Variants in NKAIN3 observed in about 807,000 individuals in gnomAD.
NKAIN3 encodes the protein sodium/potassium-transporting ATPase subunit beta-1-interacting protein 3.
In NKAIN3, 25 loss-of-function variants were observed where a neutral mutation model predicts 30.2. The ratio of observed to expected loss-of-function variants is 0.83; its 90% confidence interval spans 0.60 to 1.16. The LOEUF is 1.16. NKAIN3 is among the 50% of genes most tolerant of loss of function. The pLI is 0.00. For synonymous variants in NKAIN3, 91 were observed against 89.6 expected, an observed-to-expected ratio of 1.02 and a Z score of -0.09; for missense variants, 225 against 254.1, an observed-to-expected ratio of 0.89 and a Z score of 0.78.
chr8:62,694,755 A>G (rs16929420), intron 3 of NKAIN3, among the ~76,000 whole-genome samples: 7,710 of 152,218 alleles, frequency 0.051, 637 homozygotes, highest in African/African-American at 0.17. Flanking sequence ...TTCCAAAGTC[A>G]TCTCACTAAA....
chr8:62,598,389 A>G (rs1011222706), intron 3 of NKAIN3, among the ~76,000 whole-genome samples: 5 of 152,010 alleles, frequency 3.3e-5, no homozygotes, highest in African/African-American at 1.2e-4. Context: ...CATGTTGATT[A>G]TTACTCATGA....
intron 4 of NKAIN3, among the ~76,000 whole-genome samples, chr8:62,761,817 C>A (rs753151577): frequency 3.3e-5 from 5 of 152,126 alleles, no homozygotes; most frequent in Non-Finnish European, 7.3e-5. Flanking sequence ...TGCTTTTATG[C>A]TGCTTGCTAA....
At chr8:62,521,351 C>CT (rs371785813) in intron 1 of NKAIN3, among the ~76,000 whole-genome samples, 1 of 152,056 alleles carries the variant, frequency 6.6e-6, no homozygotes, top group South Asian at 2.1e-4. Context: ...AGTTTTCAAA[C>CT]TTTTTTTCTT....
chr8:62,515,062 C>T (rs1366173783), intron 1 of NKAIN3, among the ~76,000 whole-genome samples: 2 of 152,128 alleles, frequency 1.3e-5, no homozygotes, highest in Non-Finnish European at 2.9e-5. Context: ...CTTCCAAAGG[C>T]TCTACCATCA....
rs117265168 is a variant in NKAIN3, at chr8:62,747,655, A to G, written c.471+526A>G. 7.1e-4 allele frequency among the ~76,000 whole-genome samples: 108 copies of G among 152,372 alleles called. No individual in the cohort carries two copies. The East Asian group carries it at 0.015, about 22-fold the overall frequency. On this transcript the variant is annotated intron_variant, in intron 4 of 6. Transcript: ENST00000623646. ...GAAACGAGAAGGAAATGATGTGATT[A>G]GTCCACAGAAGGTTAATGTGCCAGG...
chr8:62,581,784 C>G lies in NKAIN3; in HGVS notation c.192+2108C>G, dbSNP rs1810301066. Among the ~76,000 whole-genome samples, 4 of 134,958 alleles carry G rather than the reference C, an allele frequency of 3.0e-5. 1 individual carries two copies. The South Asian group carries it at 1.1e-3, about 37-fold the overall frequency. 88.5% of individuals were successfully genotyped at this position (134,958 alleles called of 152,430 possible). ...TCCTTCCTTCCTCCCTCCCTCCCTC[C>G]CTTTCTCCCACCTATCCTCCCTCCC... is the stretch of plus-strand genomic sequence containing the variant. On this transcript the variant is annotated intron_variant, in intron 2 of 6. Coordinates refer to ENST00000623646, the MANE Select transcript of NKAIN3 (RefSeq NM_001304533.3).
intron 1 of NKAIN3, among the ~76,000 whole-genome samples, chr8:62,554,874 C>G (rs149683690): frequency 6.6e-6 from 1 of 152,270 alleles, no homozygotes; most frequent in East Asian, 1.9e-4. Flanking sequence ...CACTCACTCT[C>G]TGTTTGTATG....
At chr8:62,740,336 T>C (rs1382681304) in intron 3 of NKAIN3, among the ~76,000 whole-genome samples, 2 of 152,166 alleles carry the variant, frequency 1.3e-5, no homozygotes, top group Non-Finnish European at 2.9e-5. Flanking sequence ...GGGCTTCTCT[T>C]TAAGGTCACG....
intron 4 of NKAIN3, among the ~76,000 whole-genome samples, chr8:62,814,304 A>G (rs1241471278): frequency 6.8e-6 from 1 of 147,750 alleles, no homozygotes; most frequent in Non-Finnish European, 1.5e-5. Context: ...TATGTTCTGT[A>G]TGTCTCATAG....
chr8:62,906,488 G>A (rs892026924), intron 4 of NKAIN3, among the ~76,000 whole-genome samples: 2 of 152,168 alleles, frequency 1.3e-5, no homozygotes, highest in African/African-American at 4.8e-5. Flanking sequence ...CTAACAAGCA[G>A]TATTGTAGAA....
At chr8:62,674,173 G>A (rs1258830196) in intron 3 of NKAIN3, among the ~76,000 whole-genome samples, 9 of 152,044 alleles carry the variant, frequency 5.9e-5, no homozygotes, top group Admixed American at 3.9e-4. Flanking sequence ...TCCACCTATC[G>A]CTCTGGCCAC....
At chr8:62,874,323 A>G (rs1256107879) in intron 4 of NKAIN3, among the ~76,000 whole-genome samples, 1 of 152,182 alleles carries the variant, frequency 6.6e-6, no homozygotes, top group African/African-American at 2.4e-5. Flanking sequence ...AAGCCCTGAA[A>G]TTGAAGCAGT....
intron 4 of NKAIN3, among the ~76,000 whole-genome samples, chr8:62,799,548 A>C (rs1033595055): frequency 6.6e-6 from 1 of 152,268 alleles, no homozygotes; most frequent in East Asian, 1.9e-4. Context: ...AAAAATAGTA[A>C]ATGTTGATGT....
intron 5 of NKAIN3, among the ~76,000 whole-genome samples, chr8:62,941,120 A>G (rs1822943560): frequency 6.6e-6 from 1 of 152,122 alleles, no homozygotes; most frequent in Non-Finnish European, 1.5e-5. Flanking sequence ...TACTATGAAC[A>G]CATTTATGTG....
chr8:62,590,104 T>C (rs73257134), intron 3 of NKAIN3, among the ~76,000 whole-genome samples: 2,645 of 151,838 alleles, frequency 0.017, 75 homozygotes, highest in African/African-American at 0.061. Flanking sequence ...CCATAGTGAC[T>C]GCAGGCCTAA....
At chr8:62,741,244 C>T (rs1563540506) in intron 3 of NKAIN3, among the ~76,000 whole-genome samples, 1 of 151,944 alleles carries the variant, frequency 6.6e-6, no homozygotes, top group Non-Finnish European at 1.5e-5. Flanking sequence ...GTTCTGAACA[C>T]TGCACTCCAA....
chr8:62,417,598 A>G (rs1172006394), intron 1 of NKAIN3, among the ~76,000 whole-genome samples: 1 of 152,148 alleles, frequency 6.6e-6, no homozygotes, highest in Non-Finnish European at 1.5e-5. Context: ...AACAGTATAC[A>G]AGAGTTCTCT....
intron 1 of NKAIN3, among the ~76,000 whole-genome samples, chr8:62,291,567 C>A (rs553420229): frequency 1.3e-5 from 2 of 152,310 alleles, no homozygotes; most frequent in Admixed American, 6.5e-5. Context: ...TTTCTTAAGT[C>A]TGAGTTCTAG....
rs1406794178 is a variant in NKAIN3, at chr8:62,965,986, G to A, written c.*579G>A. On this transcript the variant is annotated 3_prime_UTR_variant, in exon 7 of 7. Coordinates refer to ENST00000623646, the MANE Select transcript of NKAIN3 (RefSeq NM_001304533.3). ...TTCCTGACTTCTTAAAACCCAGAAC[G>A]ATATTATGGCAATCTAAATTTTCAG... The A allele has an allele frequency of 2.0e-6, 2 of 984,694 alleles. No homozygotes were observed. Among genetic ancestry groups the A allele is most frequent in the Non-Finnish European group, 2.4e-6 (2 of 829,462 alleles). The allele number at this position is 984,694 out of a possible 1,614,324, so 61.0% of individuals were successfully genotyped here. A position where few individuals can be genotyped will look rare whatever the true frequency, so the allele number is the denominator to read the frequency against.
Sources: allele counts gnomAD v4.1 joint callset (sites outside exome capture counted in the v4.1 genomes callset), GRCh38; gene constraint gnomAD v4.1.1; transcripts MANE v1.5; gene names NCBI Gene and HGNC (gene_info 2026-07-23, HGNC 2026-07-21).